PUS7L: variants seen among roughly 807,000 people sequenced by gnomAD.
The protein encoded by PUS7L is pseudouridine synthase 7 like.
Under a neutral mutation model 51.1 loss-of-function variants are expected in PUS7L, and 49 were observed. The observed-to-expected ratio is 0.96, with a 90% confidence interval of 0.76 to 1.22. The LOEUF is 1.22. Ranked by LOEUF, PUS7L falls within the 50% of genes most tolerant of loss-of-function variation. The pLI is 0.00. For missense variants in PUS7L, 828 were observed against 820.6 expected, an observed-to-expected ratio of 1.01 and a Z score of -0.11; for synonymous variants, 277 against 276.2, an observed-to-expected ratio of 1.00 and a Z score of -0.03.
intron 5 of PUS7L, chr12:43,740,847 G>A (rs1349905689): frequency 6.6e-6 from 1 of 151,508 alleles, no homozygotes; most frequent in Non-Finnish European, 1.5e-5. Flanking sequence ...GAGAAGCCAT[G>A]CCACAAATAG....
rs941959591 is a variant in PUS7L, at chr12:43,727,463, G to GA, written c.*2912dup. ...TGCCCATTACAGTGGACTGGATAAA[G>GA]AAAATGTAGTACATGTATACCAGAT... On this transcript the variant is annotated 3_prime_UTR_variant, in exon 9 of 9. Coordinates refer to ENST00000344862, the MANE Select transcript of PUS7L (RefSeq NM_031292.5). 7 of 152,132 alleles carry GA rather than the reference G, an allele frequency of 4.6e-5. No homozygotes were observed. The highest frequency in any genetic ancestry group is 1.4e-4 in the African/African-American group (6 of 41,418). The allele number at this position is 152,132 out of a possible 1,614,324, so 9.4% of individuals were successfully genotyped here. A position where few individuals can be genotyped will look rare whatever the true frequency, so the allele number is the denominator to read the frequency against.
At chr12:43,731,371 T>C (rs1345396881) in intron 8 of PUS7L, among the ~76,000 whole-genome samples, 3 of 152,148 alleles carry the variant, frequency 2.0e-5, no homozygotes, top group Non-Finnish European at 4.4e-5. Context: ...TCCATTTATA[T>C]GACATTATTT....
chr12:43,757,390 C>T (rs1329076828), intron 1 of PUS7L, among the ~76,000 whole-genome samples: 1 of 152,184 alleles, frequency 6.6e-6, no homozygotes, highest in Non-Finnish European at 1.5e-5. Flanking sequence ...CCAGGGTGGT[C>T]TTGAACTCCT....
intron 4 of PUS7L, among the ~76,000 whole-genome samples, chr12:43,743,839 A>G (rs925096481): frequency 6.6e-6 from 1 of 152,230 alleles, no homozygotes; most frequent in Non-Finnish European, 1.5e-5. Flanking sequence ...GTTATTTCAA[A>G]TTTGAAAAAA....
chr12:43,730,325 C>T lies in PUS7L; in HGVS notation c.*51G>A, dbSNP rs1433757600. On this transcript the variant is annotated 3_prime_UTR_variant, in exon 9 of 9. Transcript: ENST00000344862. ...GGAAGGTGCTTAAGACATTTTAGCC[C>T]CCTTTCCTTCAAAGAGTGACATATA... The T allele has an allele frequency of 1.4e-6, 2 of 1,397,360 alleles. No homozygotes were observed. Among genetic ancestry groups the T allele is most frequent in the African/African-American group, 1.4e-5 (1 of 69,724 alleles). The allele number at this position is 1,397,360 out of a possible 1,614,324, so 86.6% of individuals were successfully genotyped here. A position where few individuals can be genotyped will look rare whatever the true frequency, so the allele number is the denominator to read the frequency against.
chr12:43,740,262 T>C (rs780669325), intron 5 of PUS7L, among the ~76,000 whole-genome samples: 1 of 152,164 alleles, frequency 6.6e-6, no homozygotes, highest in Non-Finnish European at 1.5e-5. Context: ...CTTAAATAGG[T>C]CATTTGACCC....
chr12:43,738,849 A>ACT (rs1487924683), intron 5 of PUS7L: 1 of 309,764 alleles, frequency 3.2e-6, no homozygotes, highest in Non-Finnish European at 6.5e-6. Flanking sequence ...CCACCAGAAG[A>ACT]AGCACCAAGA....
rs1944381220 is a variant in PUS7L at position 43,720,196 on chromosome 12, T to C, written c.*10180A>G. 2.0e-5 allele frequency: 3 copies of C among 152,352 alleles called. No individual in the cohort carries two copies. The highest frequency in any genetic ancestry group is 6.8e-3 in the Middle Eastern group (2 of 294). The allele number at this position is 152,352 out of a possible 1,614,324, so 9.4% of individuals were successfully genotyped here. A position where few individuals can be genotyped will look rare whatever the true frequency, so the allele number is the denominator to read the frequency against. On this transcript the variant is annotated 3_prime_UTR_variant, in exon 9 of 9. Transcript: ENST00000344862. ...ATTTCATTTTGTCTTACTTGACATA[T>C]AGATTACTTAGAAGTGTATCTCTTC...
In PUS7L at chr12:43,730,487, C is replaced by T. The variant is rs370925333; in HGVS notation, c.1995G>A (p.Thr665=). Residue 665 remains threonine (T), a synonymous_variant, in exon 9 of 9, where the codon ACG becomes ACA. Transcript: ENST00000344862. ...LMEDHDIDVK[T]KGSHIDETAL... ...CTGTTTCATCAATGTGGGAACCTTT[C>T]GTTTTGACATCAATGTCATGATCTT... 145 of 1,613,632 alleles carry T rather than the reference C, an allele frequency of 9.0e-5. No homozygotes were observed. The highest frequency in any genetic ancestry group is 1.2e-4 in the Non-Finnish European group (141 of 1,179,776).
At position 43,736,694 on chromosome 12, in the gene PUS7L, C is replaced by A. The variant is rs752140421; in HGVS notation, c.1445-33G>T. ...AAAGGGTAAATCAGGTATAGTTAGC[C>A]ACTTTTATTTAAAGGCCAGTTATAA... On this transcript the variant is annotated intron_variant, in intron 6 of 8. Coordinates refer to ENST00000344862, the MANE Select transcript of PUS7L (RefSeq NM_031292.5). 60 of 1,587,942 alleles carry A rather than the reference C, an allele frequency of 3.8e-5. No homozygotes were observed. In the East Asian group the frequency reaches 1.3e-3, roughly 36 times the overall value.
In PUS7L at chr12:43,720,978, T is replaced by G. The variant is rs1358514915; in HGVS notation, c.*9398A>C. 6.6e-6 allele frequency: 1 copy of G among 152,212 alleles called. No homozygotes were observed. The highest frequency in any genetic ancestry group is 1.5e-5 in the Non-Finnish European group (1 of 68,038). 9.4% of individuals were successfully genotyped at this position (152,212 alleles called of 1,614,324 possible). ...AGTACTTATCCCACATGTAAGTACTTGTTGATAAAATATAAAATGCTTAGT... is the reference window on the plus strand; with the variant it reads ...AGTACTTATCCCACATGTAAGTACTGGTTGATAAAATATAAAATGCTTAGT... On this transcript the variant is annotated 3_prime_UTR_variant, in exon 9 of 9. Transcript: ENST00000344862.
At position 43,736,640 on chromosome 12, in the gene PUS7L, G is replaced by C; in HGVS notation, c.1466C>G (p.Ser489Ter). The C allele has an allele frequency of 3.1e-6, 5 of 1,613,852 alleles. No homozygotes were observed. The highest frequency in any genetic ancestry group is 4.2e-6 in the Non-Finnish European group (5 of 1,179,814). ...ACGCACTTTGAATTCAGGCATCAAT[G>C]AAAGTGTGCCTTTAGCATCCTCTGA... Reference protein sequence around the residue: ...LQTEDAKGTLSLMPEFKVRER... With the variant: ...LQTEDAKGTL Residue 489 changes from serine to a stop codon, truncating the protein, a stop_gained, in exon 7 of 9, where the codon TCA becomes TGA. Transcript: ENST00000344862. LOFTEE classifies it high-confidence loss of function.
Position 43,754,650 on chromosome 12 carries a change from G to A in PUS7L, c.596C>T (p.Pro199Leu). The A allele has an allele frequency of 6.2e-7, 1 of 1,613,534 alleles. No homozygotes were observed. Among genetic ancestry groups the A allele is most frequent in the Non-Finnish European group, 8.5e-7 (1 of 1,179,736 alleles). The change falls in exon 2 of 9, where the codon CCA becomes CTA. Residue 199 changes from proline (P) to leucine (L), a missense_variant. Transcript: ENST00000344862. ...VGKNSEIVVKPNLEYKELCHL... is the reference protein window; with the variant it reads ...VGKNSEIVVKLNLEYKELCHL... ...ACAAAGTTCTTTATATTCAAGATTTGGTTTTACAACAATTTCACTGTTTTT... is the reference window on the plus strand; with the variant it reads ...ACAAAGTTCTTTATATTCAAGATTTAGTTTTACAACAATTTCACTGTTTTT...
Position 43,746,114 on chromosome 12 carries a change from A to G in PUS7L, c.1195T>C (p.Leu399=), listed in dbSNP as rs1938158202. ...GCAGAATCATTTATTTGTTTTTTTAAATTTCTAATGACAATATCAAAGTGA... is the reference window on the plus strand; with the variant it reads ...GCAGAATCATTTATTTGTTTTTTTAGATTTCTAATGACAATATCAAAGTGA... ...GNHFDIVIRN[L]KKQINDSANL... is the part of the protein sequence containing the mutation. The change falls in exon 4 of 9, where the codon TTA becomes CTA. Residue 399 remains leucine (L), a synonymous_variant. Coordinates refer to ENST00000344862, the MANE Select transcript of PUS7L (RefSeq NM_031292.5). 5.9e-6 allele frequency: 9 copies of G among 1,524,788 alleles called. No homozygotes were observed. Among genetic ancestry groups the G allele is most frequent in the Non-Finnish European group, 8.2e-6 (9 of 1,103,096 alleles). 94.5% of individuals were successfully genotyped at this position (1,524,788 alleles called of 1,614,324 possible).
At chr12:43,731,010 T>C (rs1312952514) in intron 8 of PUS7L, among the ~76,000 whole-genome samples, 2 of 152,224 alleles carry the variant, frequency 1.3e-5, no homozygotes, top group African/African-American at 2.4e-5. Flanking sequence ...TTAATCTGTA[T>C]AAAATAAAGC....
rs1451500270 is a variant in PUS7L, at chr12:43,736,582, A to G, written c.1524T>C (p.Phe508=). ...ERALLEALHR[F]GMTEEGCIQA... ...GGATACAACCTTCCTCGGTCATGCC[A>G]AAGCGGTGCAATGCCTCCAACAATG... is the stretch of plus-strand genomic sequence containing the variant. Residue 508 remains phenylalanine (F), a synonymous_variant, in exon 7 of 9, where the codon TTT becomes TTC. Coordinates refer to ENST00000344862, the MANE Select transcript of PUS7L (RefSeq NM_031292.5). 2 of 1,614,250 alleles carry G rather than the reference A, an allele frequency of 1.2e-6. No homozygotes were observed.
intron 4 of PUS7L, among the ~76,000 whole-genome samples, chr12:43,744,217 G>A (rs1938054509): frequency 6.6e-6 from 1 of 152,254 alleles, no homozygotes; most frequent in Middle Eastern, 3.4e-3. Context: ...GAAAACGAAG[G>A]TAAAACAACA....
At position 43,723,750 on chromosome 12, in the gene PUS7L, CAGAGGG is replaced by C. The variant is rs1944423304; in HGVS notation, c.*6620_*6625del. ...TGTGGCCTATTAAATATACATAAAT[CAGAGGG>C]CTTAGAAAAACAGATTAAAACAGTA... On this transcript the variant is annotated 3_prime_UTR_variant, in exon 9 of 9. Coordinates refer to ENST00000344862, the MANE Select transcript of PUS7L (RefSeq NM_031292.5). The C allele has an allele frequency of 1.3e-5, 2 of 151,984 alleles. No homozygotes were observed. The highest frequency in any genetic ancestry group is 2.9e-5 in the Non-Finnish European group (2 of 67,934). The allele number at this position is 151,984 out of a possible 1,614,324, so 9.4% of individuals were successfully genotyped here.
chr12:43,755,474 G>A (rs1388505324), intron 1 of PUS7L, among the ~76,000 whole-genome samples: 3 of 152,112 alleles, frequency 2.0e-5, no homozygotes, highest in African/African-American at 7.2e-5. Flanking sequence ...ACTATTTCTG[G>A]TATAGCTAAA....
Sources: allele counts gnomAD v4.1 joint callset (sites outside exome capture counted in the v4.1 genomes callset), GRCh38; gene constraint gnomAD v4.1.1; transcripts MANE v1.5; gene names NCBI Gene and HGNC (gene_info 2026-07-23, HGNC 2026-07-21).